Variants in ADI1 observed in about 807,000 individuals in gnomAD.
ADI1 encodes acireductone dioxygenase.
In ADI1, 21 loss-of-function variants were observed where a neutral mutation model predicts 18.7. The ratio of observed to expected loss-of-function variants is 1.13; its 90% CI spans 0.80 to 1.62. The LOEUF is 1.62. ADI1 is among the 40% of genes most tolerant of loss of function. The pLI is 0.00. For synonymous variants in ADI1, 90 were observed against 100.1 expected, an observed-to-expected ratio of 0.90 and a Z score of 0.60; for missense variants, 245 against 254.9, an observed-to-expected ratio of 0.96 and a Z score of 0.26.
At position 3,503,308 on chromosome 2, in the gene ADI1, G is replaced by C. The variant is rs10208248; in HGVS notation, c.241-2315C>G. Among the ~76,000 whole-genome samples the C allele has an allele frequency of 0.035, 1,497 of 43,296 alleles. 418 individuals are homozygous for C. In the African/African-American group the frequency reaches 0.42, roughly 12 times the overall value. The allele number at this position is 43,296 out of a possible 152,430, so 28.4% of individuals were successfully genotyped here. ...TCACACACATGCACACATACACACT[G>C]ACACGCACATTCACACACATGCACA... On this transcript the variant is annotated intron_variant, in intron 2 of 3. Transcript: ENST00000327435.
Position 3,513,372 on chromosome 2 carries a change from C to T in ADI1, c.240+485G>A, listed in dbSNP as rs149116419. On this transcript the variant is annotated intron_variant, in intron 2 of 3. Transcript: ENST00000327435. ...ATACAGTTTAGATTTGTGTCTCCAC[C>T]CAAATTTCATATTGAAATGTAATCC... Among the ~76,000 whole-genome samples the T allele has an allele frequency of 3.5e-3, 531 of 152,184 alleles. 3 individuals are homozygous for T. The highest frequency in any genetic ancestry group is 0.012 in the African/African-American group (509 of 41,522).
chr2:3,503,533 ATACACACG>A (rs1667094270), intron 2 of ADI1, among the ~76,000 whole-genome samples: 2 of 118,088 alleles, frequency 1.7e-5, no homozygotes, highest in Admixed American at 7.6e-5. Context: ...ACATGCACAC[ATACACACG>A]TACACACTCA....
chr2:3,516,675 T>C (rs960578780), intron 1 of ADI1: 19 of 934,262 alleles, frequency 2.0e-5, no homozygotes, highest in Non-Finnish European at 2.4e-5. Context: ...TGTTTATAAA[T>C]TGCCCAGTTT....
rs146874284 is a variant in ADI1 at position 3,505,185 on chromosome 2, C to T, written c.241-4192G>A. ...TTTCTAAAGAGCTTAGAAGCCACCA[C>T]TCCATCCTATCAAGTAAAAGCAGAA... On this transcript the variant is annotated intron_variant, in intron 2 of 3. Coordinates refer to ENST00000327435, the MANE Select transcript of ADI1 (RefSeq NM_018269.4). Among the ~76,000 whole-genome samples the T allele has an allele frequency of 3.0e-4, 45 of 152,396 alleles. No individual in the cohort carries two copies. The East Asian group carries it at 8.5e-3, about 29-fold the overall frequency.
At chr2:3,499,141 A>T in intron 3 of ADI1, 59 bp from the exon 4 acceptor site, 2 of 1,226,432 alleles carry the variant, frequency 1.6e-6, no homozygotes, top group Non-Finnish European at 2.3e-6. Flanking sequence ...TCTACTTAGT[A>T]TTTATTAACA....
intron 2 of ADI1, among the ~76,000 whole-genome samples, chr2:3,503,456 C>T (rs560855022): frequency 6.7e-6 from 1 of 150,244 alleles, no homozygotes; most frequent in Middle Eastern, 3.2e-3. Context: ...CACATACGGA[C>T]GTACACTCAC....
chr2:3,499,114 A>T (rs1413845864), intron 3 of ADI1, 32 bp from the exon 4 acceptor site: 2 of 1,596,858 alleles, frequency 1.3e-6, no homozygotes, highest in Non-Finnish European at 1.7e-6. Flanking sequence ...CCAGCATCTC[A>T]TTAAACCAGC....
chr2:3,502,450 CTT>C lies in ADI1; in HGVS notation c.241-1459_241-1458del, dbSNP rs35773710. On this transcript the variant is annotated intron_variant, in intron 2 of 3. Transcript: ENST00000327435. ...AAAGAAAAGACAAACGGAAATAGCT[CTT>C]TTTTTTTTTTTTTTTTTGAGACGGA... is the stretch of plus-strand genomic sequence containing the variant. Among the ~76,000 whole-genome samples, 961 of 130,706 alleles carry C rather than the reference CTT, an allele frequency of 7.4e-3. 8 individuals carry two copies. The highest frequency in any genetic ancestry group is 0.025 in the African/African-American group (851 of 33,424). The allele number at this position is 130,706 out of a possible 152,430, so 85.7% of individuals were successfully genotyped here.
intron 2 of ADI1, among the ~76,000 whole-genome samples, chr2:3,506,502 A>T (rs1446195982): frequency 6.6e-6 from 1 of 152,256 alleles, no homozygotes; most frequent in Non-Finnish European, 1.5e-5. Context: ...CAAAATATGC[A>T]TAAGATCTAC....
chr2:3,502,519 C>T (rs1667047357), intron 2 of ADI1, among the ~76,000 whole-genome samples: 1 of 146,416 alleles, frequency 6.8e-6, no homozygotes, highest in African/African-American at 2.5e-5. Flanking sequence ...ATGGCGCGAT[C>T]TCGGCTCACT....
chr2:3,513,602 T>C (rs35852722), intron 2 of ADI1, among the ~76,000 whole-genome samples: 75,691 of 152,072 alleles, frequency 0.5, 22,121 homozygotes, highest in Non-Finnish European at 0.64. Flanking sequence ...CTCTTTGCCT[T>C]CTGCCATGTA....
At chr2:3,499,720 G>A (rs1180383388) in intron 3 of ADI1, among the ~76,000 whole-genome samples, 5 of 152,092 alleles carry the variant, frequency 3.3e-5, no homozygotes, top group Admixed American at 6.5e-5. Flanking sequence ...CATGTCCAGC[G>A]CCAGAGTACT....
chr2:3,507,179 G>A (rs1272665463), intron 2 of ADI1, among the ~76,000 whole-genome samples: 1 of 152,206 alleles, frequency 6.6e-6, no homozygotes, highest in Non-Finnish European at 1.5e-5. Context: ...GAACAAAATA[G>A]CCCTGAACTG....
At position 3,499,160 on chromosome 2, in the gene ADI1, T is replaced by C. The variant is rs1666936775; in HGVS notation, c.421-78A>G. The C allele has an allele frequency of 5.2e-6, 8 of 1,540,726 alleles. No homozygotes were observed. The East Asian group carries it at 1.2e-4, about 22-fold the overall frequency. Reference sequence around the variant, plus strand: ...CTTAGTATTTATTAACATATCAACTTGTTAACATTAATTGCTATAAACACT... The same window carrying C: ...CTTAGTATTTATTAACATATCAACTCGTTAACATTAATTGCTATAAACACT... On this transcript the variant is annotated intron_variant, in intron 3 of 3. Coordinates refer to ENST00000327435, the MANE Select transcript of ADI1 (RefSeq NM_018269.4).
chr2:3,513,518 T>G (rs1310652076), intron 2 of ADI1, among the ~76,000 whole-genome samples: 1 of 152,174 alleles, frequency 6.6e-6, no homozygotes, highest in Non-Finnish European at 1.5e-5. Flanking sequence ...TCTTGTGAGA[T>G]CTGGTCATTT....
Position 3,503,302 on chromosome 2 carries a change from C to T in ADI1, c.241-2309G>A, listed in dbSNP as rs1296551134. 2.2e-5 allele frequency among the ~76,000 whole-genome samples: 3 copies of T among 135,302 alleles called. 1 individual carries two copies. The highest frequency in any genetic ancestry group is 2.0e-4 in the East Asian group (1 of 4,976). The allele number at this position is 135,302 out of a possible 152,430, so 88.8% of individuals were successfully genotyped here. On this transcript the variant is annotated intron_variant, in intron 2 of 3. Transcript: ENST00000327435. The stretch of plus-strand genomic sequence containing the variant: ...GTGCATTCACACACATGCACACATA[C>T]ACACTGACACGCACATTCACACACA...
intron 2 of ADI1, among the ~76,000 whole-genome samples, chr2:3,503,009 G>A (rs1199682841): frequency 1.3e-5 from 2 of 152,130 alleles, no homozygotes; most frequent in East Asian, 3.9e-4. Flanking sequence ...CCCTGTGGAT[G>A]TAACTGGAAT....
chr2:3,512,472 C>T (rs185677089), intron 2 of ADI1, among the ~76,000 whole-genome samples: 38 of 152,346 alleles, frequency 2.5e-4, no homozygotes, highest in Middle Eastern at 3.4e-3. Flanking sequence ...CTCCCTGCAT[C>T]CCAGCTGCTC....
In ADI1 at chr2:3,502,042, C is replaced by A. The variant is rs1200393797; in HGVS notation, c.241-1049G>T. 0.014 allele frequency among the ~76,000 whole-genome samples: 648 copies of A among 45,348 alleles called. 8 individuals are homozygous for A. The African/African-American group carries it at 0.22, about 15-fold the overall frequency. The allele number at this position is 45,348 out of a possible 152,430, so 29.8% of individuals were successfully genotyped here. On this transcript the variant is annotated intron_variant, in intron 2 of 3. Coordinates refer to ENST00000327435, the MANE Select transcript of ADI1 (RefSeq NM_018269.4). Reference sequence around the variant, plus strand: ...ACACACACACACACACACACACACACAGAGACAGGGTTTCACTCTGTTGCT... The same window carrying A: ...ACACACACACACACACACACACACAAAGAGACAGGGTTTCACTCTGTTGCT...
Sources: gnomAD v4.1 joint callset for allele counts (sites outside exome capture counted in the v4.1 genomes callset) on GRCh38, gnomAD v4.1.1 for gene constraint, MANE v1.5 for transcripts, NCBI Gene and HGNC (gene_info 2026-07-23, HGNC 2026-07-21) for gene names.